Variants in WDR49 observed in about 807,000 individuals in gnomAD.
WDR49 encodes WD repeat domain 49.
WDR49 carries 107 observed loss-of-function variants against 119.5 expected under a neutral mutation model. The observed-to-expected ratio is 0.90, with a 90% CI of 0.77 to 1.05. WDR49 has a LOEUF of 1.05. WDR49 is among the 50% of genes least tolerant of loss of function. WDR49 has a pLI of 0.00. For missense variants in WDR49, 1,240 were observed against 1,220.5 expected (o/e 1.02, Z -0.24); for synonymous variants, 425 against 418.8 (o/e 1.01, Z -0.18).
chr3:167,633,841 A>C (rs1237264490), intron 2 of WDR49, among the ~76,000 whole-genome samples: 1 of 151,964 alleles, frequency 6.6e-6, no homozygotes, highest in Non-Finnish European at 1.5e-5. Context: ...ATGAAGTACC[A>C]ATAAGATTGT....
At position 167,571,086 on chromosome 3, in the gene WDR49, G is replaced by A. The variant is rs573293028; in HGVS notation, c.1509+4832C>T. Reference sequence around the variant, plus strand: ...TCAGTGAATGTTGAAGCAACCAAAGGTAAGGGCACCACTCTATGGCTGTGA... The same window carrying A: ...TCAGTGAATGTTGAAGCAACCAAAGATAAGGGCACCACTCTATGGCTGTGA... On this transcript the variant is annotated intron_variant, in intron 8 of 18. Transcript: ENST00000682715. Among the ~76,000 whole-genome samples, 6 of 151,978 alleles carry A rather than the reference G, an allele frequency of 3.9e-5. No homozygotes were observed. The South Asian group carries it at 1.0e-3, about 26-fold the overall frequency.
rs755478227 is a variant in WDR49 at position 167,625,923 on chromosome 3, CAA to C, written c.606+927_606+928del. ...CATCAACAGCAACAGCCAAAATTTGCAAAAAAAAAAAAAAAATTAGGAACAAA... is the reference window on the plus strand; with the variant it reads ...CATCAACAGCAACAGCCAAAATTTGCAAAAAAAAAAAAAATTAGGAACAAA... On this transcript the variant is annotated intron_variant, in intron 3 of 18. Coordinates refer to ENST00000682715, the MANE Select transcript of WDR49 (RefSeq NM_001366157.1). Among the ~76,000 whole-genome samples, 10 of 77,156 alleles carry C rather than the reference CAA, an allele frequency of 1.3e-4. No individual in the cohort carries two copies. The East Asian group carries it at 1.6e-3, about 12-fold the overall frequency. The allele number at this position is 77,156 out of a possible 152,430, so 50.6% of individuals were successfully genotyped here.
intron 8 of WDR49, chr3:167,575,170 C>T (rs1050251769): frequency 2.3e-5 from 23 of 985,240 alleles, no homozygotes; most frequent in African/African-American, 2.1e-4. Context: ...TCAGGCCTGA[C>T]GGGATCACTG....
At chr3:167,558,703 C>G (rs1015928936) in intron 9 of WDR49, among the ~76,000 whole-genome samples, 3 of 152,082 alleles carry the variant, frequency 2.0e-5, no homozygotes, top group African/African-American at 4.8e-5. Context: ...TCTGAATGTC[C>G]CCAGGTCCGA....
intron 18 of WDR49, among the ~76,000 whole-genome samples, chr3:167,481,813 A>C (rs1355081439): frequency 6.6e-6 from 1 of 152,204 alleles, no homozygotes; most frequent in Non-Finnish European, 1.5e-5. Flanking sequence ...CGAGAATAGC[A>C]CGAGAAAGAC....
rs908457475 is a variant in WDR49 at position 167,512,402 on chromosome 3, C to A, written c.2775-6986G>T. Among the ~76,000 whole-genome samples, 26 of 152,222 alleles carry A rather than the reference C, an allele frequency of 1.7e-4. 1 individual carries two copies. Among genetic ancestry groups the A allele is most frequent in the African/African-American group, 6.3e-4 (26 of 41,526 alleles). ...AGGGGCCTTACTGTTAAAAGAAAAA[C>A]AAACAGAAAGCAACAACATCAACAA... On this transcript the variant is annotated intron_variant, in intron 16 of 18. Transcript: ENST00000682715.
chr3:167,516,165 C>T (rs1461996761), intron 16 of WDR49, among the ~76,000 whole-genome samples: 4 of 152,090 alleles, frequency 2.6e-5, no homozygotes, highest in South Asian at 2.1e-4. Flanking sequence ...AGGTTAGTTA[C>T]GTATACAAGT....
At chr3:167,600,675 C>T (rs559100497) in intron 7 of WDR49, among the ~76,000 whole-genome samples, 12 of 152,232 alleles carry the variant, frequency 7.9e-5, no homozygotes, top group African/African-American at 1.9e-4. Flanking sequence ...ATGAGAGACA[C>T]ACAAATGCAA....
intron 16 of WDR49, among the ~76,000 whole-genome samples, chr3:167,511,894 G>A (rs1231507820): frequency 6.6e-6 from 1 of 152,192 alleles, no homozygotes; most frequent in Non-Finnish European, 1.5e-5. Flanking sequence ...TCCTCTTTGG[G>A]TGGGGCCTCC....
intron 18 of WDR49, among the ~76,000 whole-genome samples, chr3:167,497,847 G>A (rs1751415383): frequency 6.7e-6 from 1 of 148,260 alleles, no homozygotes; most frequent in African/African-American, 2.5e-5. Flanking sequence ...GGCTCACAAA[G>A]ACAAGATAAG....
intron 7 of WDR49, among the ~76,000 whole-genome samples, chr3:167,599,648 C>G (rs1484470572): frequency 6.6e-6 from 1 of 152,214 alleles, no homozygotes; most frequent in Non-Finnish European, 1.5e-5. Context: ...ATAGAAGTGT[C>G]TCACTGTAGC....
At chr3:167,576,885 A>G (rs1282618439) in intron 7 of WDR49, among the ~76,000 whole-genome samples, 1 of 152,144 alleles carries the variant, frequency 6.6e-6, no homozygotes, top group Non-Finnish European at 1.5e-5. Context: ...ATACATATAT[A>G]TGTATATATG....
At chr3:167,522,011 TAG>T (rs1491558195) in intron 16 of WDR49, among the ~76,000 whole-genome samples, 3 of 150,966 alleles carry the variant, frequency 2.0e-5, no homozygotes, top group African/African-American at 7.3e-5. Context: ...GATAGATAGA[TAG>T]ATAGATTGTT....
In WDR49 at chr3:167,602,111, G is replaced by A. The variant is rs371774325; in HGVS notation, c.1275+16C>T. 6.4e-7 allele frequency: 1 copy of A among 1,563,724 alleles called. No homozygotes were observed. Among genetic ancestry groups the A allele is most frequent in the Non-Finnish European group, 8.7e-7 (1 of 1,144,032 alleles). ...GGAAGCAAAACTAAATTAATTAAAA[G>A]CACAATGTTACTTACTTTATCCTTG... On this transcript the variant is annotated intron_variant, in intron 7 of 18. Coordinates refer to ENST00000682715, the MANE Select transcript of WDR49 (RefSeq NM_001366157.1).
chr3:167,554,643 T>C lies in WDR49; in HGVS notation c.1823+7A>G. ...TTTGATTAAAATAAAAACATTCTCC[T>C]TTTTACCTTCCTATAGTTTTCCATG... On this transcript the variant is annotated splice_region_variant and intron_variant, in intron 10 of 18. Coordinates refer to ENST00000682715, the MANE Select transcript of WDR49 (RefSeq NM_001366157.1). The C allele has an allele frequency of 6.8e-7, 1 of 1,464,958 alleles. No individual in the cohort carries two copies. Among genetic ancestry groups the C allele is most frequent in the African/African-American group, 1.4e-5 (1 of 70,078 alleles). The allele number at this position is 1,464,958 out of a possible 1,614,324, so 90.7% of individuals were successfully genotyped here. A position where few individuals can be genotyped will look rare whatever the true frequency, so the allele number is the denominator to read the frequency against.
intron 2 of WDR49, among the ~76,000 whole-genome samples, chr3:167,642,624 C>A (rs1326066650): frequency 6.6e-6 from 1 of 151,746 alleles, no homozygotes; most frequent in East Asian, 1.9e-4. Flanking sequence ...ACTGAAAGTA[C>A]CTGGAAGCAA....
At chr3:167,584,159 T>C (rs1245432440) in intron 7 of WDR49, among the ~76,000 whole-genome samples, 1 of 152,110 alleles carries the variant, frequency 6.6e-6, no homozygotes, top group Non-Finnish European at 1.5e-5. Context: ...AAACCCAGTG[T>C]ATGAGTAATA....
intron 16 of WDR49, among the ~76,000 whole-genome samples, chr3:167,521,072 C>A (rs1268910743): frequency 2.6e-5 from 4 of 151,972 alleles, no homozygotes; most frequent in Admixed American, 6.6e-5. Context: ...AAAAGCTGTA[C>A]CTGGAGTTGC....
chr3:167,620,300 CCA>C, intron 5 of WDR49, 127 bp downstream of exon 5: 1 of 952,482 alleles, frequency 1.0e-6, no homozygotes, highest in Non-Finnish European at 1.4e-6. Flanking sequence ...AGAGTCCAGG[CCA>C]CAACCTCCAG....
Sources: gnomAD v4.1 joint callset for allele counts (sites outside exome capture counted in the v4.1 genomes callset) on GRCh38, gnomAD v4.1.1 for gene constraint, MANE v1.5 for transcripts, NCBI Gene and HGNC (gene_info 2026-07-23, HGNC 2026-07-21) for gene names.